PRKN: variants seen among roughly 807,000 people sequenced by gnomAD.
The protein encoded by PRKN is parkin RBR E3 ubiquitin protein ligase.
In PRKN, 56 loss-of-function variants were observed where a neutral mutation model predicts 59.5. The observed-to-expected ratio is 0.94, with a 90% CI of 0.76 to 1.18. The LOEUF is 1.18. Ranked by LOEUF, PRKN falls within the 50% of genes most tolerant of loss-of-function variation. The probability of loss-of-function intolerance (pLI) is 0.00; values close to 1 mark genes in which losing one functional copy is unlikely to be tolerated. For missense variants in PRKN, 657 were observed against 596.4 expected (o/e 1.10, Z -1.06); for synonymous variants, 250 against 222.1 (o/e 1.13, Z -1.12).
intron 2 of PRKN, among the ~76,000 whole-genome samples, chr6:162,390,663 G>A (rs1787137110): frequency 6.6e-6 from 1 of 151,780 alleles, no homozygotes; most frequent in Non-Finnish European, 1.5e-5. Flanking sequence ...GGCTGATCTC[G>A]AACTCCTGAC....
chr6:162,596,394 G>A (rs751243370), intron 1 of PRKN, among the ~76,000 whole-genome samples: 11 of 152,090 alleles, frequency 7.2e-5, no homozygotes, highest in Admixed American at 2.0e-4. Flanking sequence ...TTGAGTGAAA[G>A]GAATAATTGT....
intron 2 of PRKN, among the ~76,000 whole-genome samples, chr6:162,304,522 T>C (rs544935575): frequency 1.3e-4 from 19 of 144,190 alleles, no homozygotes; most frequent in African/African-American, 4.9e-4. Context: ...TATCTATCTA[T>C]CTATCTATCT....
chr6:162,692,143 C>T (rs1288928332), intron 1 of PRKN, among the ~76,000 whole-genome samples: 5 of 142,076 alleles, frequency 3.5e-5, no homozygotes, highest in African/African-American at 1.3e-4. Flanking sequence ...TACCCTAAAA[C>T]TTAAAGTATA....
chr6:161,375,190 T>C (rs998752344), intron 10 of PRKN, among the ~76,000 whole-genome samples: 1 of 152,108 alleles, frequency 6.6e-6, no homozygotes, highest in African/African-American at 2.4e-5. Context: ...CCGGGGGTGC[T>C]GAGGCTCCTG....
chr6:162,092,735 C>A lies in PRKN; in HGVS notation c.535-38561G>T, dbSNP rs567382196. On this transcript the variant is annotated intron_variant, in intron 4 of 11. Transcript: ENST00000366898. ...GTGATATAAACGAGCAAGTTCTATACAAAGCTACCTCATAGATTCTAAAAT... is the reference window on the plus strand; with the variant it reads ...GTGATATAAACGAGCAAGTTCTATAAAAAGCTACCTCATAGATTCTAAAAT... Among the ~76,000 whole-genome samples the A allele has an allele frequency of 3.6e-4, 55 of 152,300 alleles. 1 individual carries two copies. The highest frequency in any genetic ancestry group is 1.3e-3 in the African/African-American group (52 of 41,558).
At position 162,689,138 on chromosome 6, in the gene PRKN, G is replaced by A. The variant is rs1313801881; in HGVS notation, c.7+38524C>T. On this transcript the variant is annotated intron_variant, in intron 1 of 11. Transcript: ENST00000366898. ...TCAAGATCAGGTGAACAGAACTGTC[G>A]TACAGAGCACACTGCTCTCATTCCT... Among the ~76,000 whole-genome samples, 6 of 152,150 alleles carry A rather than the reference G, an allele frequency of 3.9e-5. No homozygotes were observed. In the East Asian group the frequency reaches 9.6e-4, roughly 24 times the overall value.
At chr6:162,690,128 C>CCATTATTTAGAATGTACTT (rs1562499289) in intron 1 of PRKN, among the ~76,000 whole-genome samples, 3 of 152,114 alleles carry the variant, frequency 2.0e-5, no homozygotes, top group Admixed American at 6.6e-5. Context: ...AGAATGTACT[C>CCATTATTTAGAATGTACTT]GAATACAAAT....
At chr6:162,196,384 T>C (rs940453017) in intron 4 of PRKN, among the ~76,000 whole-genome samples, 1 of 152,206 alleles carries the variant, frequency 6.6e-6, no homozygotes, top group African/African-American at 2.4e-5. Context: ...ATTATTAATT[T>C]CATTGGTCAG....
intron 1 of PRKN, among the ~76,000 whole-genome samples, chr6:162,455,475 C>T (rs1790826417): frequency 6.6e-6 from 1 of 152,180 alleles, no homozygotes. Flanking sequence ...GCACTGAATA[C>T]TGTAGGCAAT....
At position 161,718,572 on chromosome 6, in the gene PRKN, C is replaced by T. The variant is rs76222673; in HGVS notation, c.871+67200G>A. Among the ~76,000 whole-genome samples, 48 of 140,562 alleles carry T rather than the reference C, an allele frequency of 3.4e-4. No homozygotes were observed. In the East Asian group the frequency reaches 8.5e-3, roughly 25 times the overall value. 92.2% of individuals were successfully genotyped at this position (140,562 alleles called of 152,430 possible). On this transcript the variant is annotated intron_variant, in intron 7 of 11. Coordinates refer to ENST00000366898, the MANE Select transcript of PRKN (RefSeq NM_004562.3). ...AGAGATGTGCTGGGCAAAGGTGTGGCCTTCTCAGGGTCATTCTCATTCCCT... is the reference window on the plus strand; with the variant it reads ...AGAGATGTGCTGGGCAAAGGTGTGGTCTTCTCAGGGTCATTCTCATTCCCT...
At chr6:161,634,611 T>TGGAC (rs1342016804) in intron 7 of PRKN, among the ~76,000 whole-genome samples, 1 of 152,124 alleles carries the variant, frequency 6.6e-6, no homozygotes, top group African/African-American at 2.4e-5. Flanking sequence ...GGGGATCACC[T>TGGAC]GGACACGAGG....
chr6:162,568,516 G>C lies in PRKN; in HGVS notation c.8-125043C>G. 3 of 710,856 alleles carry C rather than the reference G, an allele frequency of 4.2e-6. No homozygotes were observed. In the South Asian group the frequency reaches 4.5e-5, roughly 11 times the overall value. 44.0% of individuals were successfully genotyped at this position (710,856 alleles called of 1,614,324 possible). On this transcript the variant is annotated intron_variant, in intron 1 of 11. Coordinates refer to ENST00000366898, the MANE Select transcript of PRKN (RefSeq NM_004562.3). ...ATCACCGCCGTTGTGGTCAACCAGA[G>C]ACTGCTGAGCCTCCTTAACCTGGAG...
chr6:162,170,559 G>A (rs1255966793), intron 4 of PRKN, among the ~76,000 whole-genome samples: 1 of 152,138 alleles, frequency 6.6e-6, no homozygotes, highest in African/African-American at 2.4e-5. Context: ...TGCATTCTTG[G>A]AAAGCATTAA....
intron 8 of PRKN, among the ~76,000 whole-genome samples, chr6:161,563,120 C>T (rs1396060811): frequency 6.6e-6 from 1 of 152,078 alleles, no homozygotes; most frequent in African/African-American, 2.4e-5. Flanking sequence ...ATAATGCTAG[C>T]TCCTTCAATA....
chr6:162,540,807 C>CAAAA (rs59944356), intron 1 of PRKN, among the ~76,000 whole-genome samples: 176 of 126,472 alleles, frequency 1.4e-3, no homozygotes, highest in East Asian at 8.6e-3. Context: ...AACTCTGGCT[C>CAAAA]AAAAAAAAAA....
chr6:162,249,649 T>C (rs1016360629), intron 3 of PRKN, among the ~76,000 whole-genome samples: 12 of 151,908 alleles, frequency 7.9e-5, no homozygotes, highest in African/African-American at 1.5e-4. Flanking sequence ...AAAAGTCAAA[T>C]CTAAGATTCC....
chr6:161,678,924 A>C (rs1785194627), intron 7 of PRKN, among the ~76,000 whole-genome samples: 1 of 152,206 alleles, frequency 6.6e-6, no homozygotes, highest in Non-Finnish European at 1.5e-5. Context: ...AAATAAAGAA[A>C]AAACACACCC....
At position 162,236,898 on chromosome 6, in the gene PRKN, GGGAA is replaced by G. The variant is rs374375748; in HGVS notation, c.412+25623_412+25626del. 3.1e-4 allele frequency among the ~76,000 whole-genome samples: 47 copies of G among 150,574 alleles called. 1 individual carries two copies. The highest frequency in any genetic ancestry group is 1.0e-3 in the African/African-American group (41 of 40,992). ...AATGGGAGAGAGAGAGAGAGAAGGA[GGGAA>G]GGAAGGAAGGAAGGAGAGAGAAAGA... is the stretch of plus-strand genomic sequence containing the variant. On this transcript the variant is annotated intron_variant, in intron 3 of 11. Transcript: ENST00000366898.
At chr6:162,101,678 A>G (rs957884001) in intron 4 of PRKN, among the ~76,000 whole-genome samples, 1 of 152,086 alleles carries the variant, frequency 6.6e-6, no homozygotes, top group African/African-American at 2.4e-5. Flanking sequence ...TCTCTAAAAA[A>G]AAAAACCAAT....
Sources: allele counts gnomAD v4.1 joint callset (sites outside exome capture counted in the v4.1 genomes callset), GRCh38; gene constraint gnomAD v4.1.1; transcripts MANE v1.5; gene names NCBI Gene and HGNC (gene_info 2026-07-23, HGNC 2026-07-21).